The following PDE11A variants were observed in gnomAD, a reference collection of about 807,000 sequenced individuals.
The protein encoded by PDE11A is dual 3',5'-cyclic-AMP and -GMP phosphodiesterase 11A.
Under a neutral mutation model 100.5 loss-of-function variants are expected in PDE11A, and 100 were observed. The ratio of observed to expected loss-of-function variants is 1.00; its 90% CI spans 0.85 to 1.18. The LOEUF (loss-of-function observed/expected upper bound fraction) is 1.18, where lower values mean the gene tolerates loss of function less well. PDE11A is among the 50% of genes most tolerant of loss of function. The pLI is 0.00. For missense variants in PDE11A, 1,141 were observed against 1,152.6 expected (o/e 0.99, Z 0.15); for synonymous variants, 381 against 420.8 (o/e 0.91, Z 1.16).
intron 2 of PDE11A, among the ~76,000 whole-genome samples, chr2:177,931,820 T>A (rs2085209299): frequency 6.8e-6 from 1 of 147,802 alleles, no homozygotes; most frequent in Non-Finnish European, 1.5e-5. Context: ...TGAATAAAAT[T>A]GAGACCCAAA....
intron 14 of PDE11A, among the ~76,000 whole-genome samples, chr2:177,699,693 T>C (rs1253127889): frequency 2.0e-5 from 3 of 152,208 alleles, no homozygotes; most frequent in African/African-American, 7.2e-5. Context: ...CTAACTTCTC[T>C]GCACCAGAGC....
intron 2 of PDE11A, among the ~76,000 whole-genome samples, chr2:177,987,212 C>A (rs2085950927): frequency 6.6e-6 from 1 of 152,094 alleles, no homozygotes; most frequent in African/African-American, 2.4e-5. Flanking sequence ...AATCGAGAGG[C>A]AGAGGACTCT....
At chr2:177,739,689 A>C (rs1446743684) in intron 10 of PDE11A, among the ~76,000 whole-genome samples, 1 of 152,224 alleles carries the variant, frequency 6.6e-6, no homozygotes, top group Non-Finnish European at 1.5e-5. Context: ...CATTCAGTTG[A>C]GTGTCTTCTT....
At chr2:177,840,520 T>C in intron 5 of PDE11A, 137 bp from the exon 6 acceptor site, 1 of 754,376 alleles carries the variant, frequency 1.3e-6, no homozygotes, top group Non-Finnish European at 2.3e-6. Flanking sequence ...CACAGAACAA[T>C]AGCAAGGTAA....
At chr2:177,926,264 G>A (rs2085123413) in intron 2 of PDE11A, among the ~76,000 whole-genome samples, 1 of 152,058 alleles carries the variant, frequency 6.6e-6, no homozygotes, top group Non-Finnish European at 1.5e-5. Flanking sequence ...TTTATCATCT[G>A]TACTTCTACT....
At chr2:177,847,886 T>C (rs1206700209) in intron 5 of PDE11A, among the ~76,000 whole-genome samples, 1 of 152,114 alleles carries the variant, frequency 6.6e-6, no homozygotes, top group East Asian at 1.9e-4. Context: ...GGATGCCCAT[T>C]CACATTAGAC....
At chr2:178,024,917 CTAT>C (rs2086460298) in intron 1 of PDE11A, among the ~76,000 whole-genome samples, 1 of 152,184 alleles carries the variant, frequency 6.6e-6, no homozygotes, top group Non-Finnish European at 1.5e-5. Context: ...GACTTGAAAT[CTAT>C]TATTCTTACT....
intron 9 of PDE11A, among the ~76,000 whole-genome samples, chr2:177,799,370 AT>A (rs1169782894): frequency 6.6e-6 from 1 of 152,220 alleles, no homozygotes; most frequent in African/African-American, 2.4e-5. Flanking sequence ...AATGTACCAT[AT>A]CTTAATAGAG....
At chr2:177,644,648 G>A (rs1353358008) in intron 19 of PDE11A, among the ~76,000 whole-genome samples, 2 of 152,186 alleles carry the variant, frequency 1.3e-5, no homozygotes, top group Admixed American at 1.3e-4. Context: ...GGGAAAACAT[G>A]ATTGGTTTTG....
Position 177,767,833 on chromosome 2 carries a change from A to G in PDE11A, c.1788+1490T>C, listed in dbSNP as rs547029164. On this transcript the variant is annotated intron_variant, in intron 10 of 19. Coordinates refer to ENST00000286063, the MANE Select transcript of PDE11A (RefSeq NM_016953.4). ...TGTTACTATGTCCCAAGGACCAAAA[A>G]AGGCAGGAGAGATACAGCAGTGAAT... 1.0e-3 allele frequency among the ~76,000 whole-genome samples: 154 copies of G among 152,144 alleles called. 1 individual carries two copies. Among genetic ancestry groups the G allele is most frequent in the Non-Finnish European group, 1.6e-3 (110 of 68,022 alleles).
chr2:177,946,086 G>T (rs868019943), intron 2 of PDE11A, among the ~76,000 whole-genome samples: 1 of 111,814 alleles, frequency 8.9e-6, no homozygotes, highest in Non-Finnish European at 1.8e-5. Flanking sequence ...CAGCCGCCCC[G>T]TCCGGGATGG....
chr2:177,631,554 TATATATATATATATAC>T (rs1559117442), intron 19 of PDE11A, among the ~76,000 whole-genome samples: 9 of 23,380 alleles, frequency 3.8e-4, no homozygotes, highest in South Asian at 2.5e-3. Flanking sequence ...TATACACATG[TATATATATATATATAC>T]ATGTATATAT....
chr2:177,825,062 C>T (rs767049965), intron 6 of PDE11A, among the ~76,000 whole-genome samples: 1 of 152,076 alleles, frequency 6.6e-6, no homozygotes, highest in Non-Finnish European at 1.5e-5. Context: ...GTGTCCAATG[C>T]TATAGAGAAG....
At chr2:177,653,701 G>A (rs2080342361) in intron 19 of PDE11A, among the ~76,000 whole-genome samples, 1 of 152,214 alleles carries the variant, frequency 6.6e-6, no homozygotes, top group South Asian at 2.1e-4. Context: ...CAGCAACGAG[G>A]AGAGATGCAT....
Position 177,745,304 on chromosome 2 carries a change from CCA to C in PDE11A, c.1789-17134_1789-17133del, listed in dbSNP as rs562201162. 4.5e-4 allele frequency among the ~76,000 whole-genome samples: 68 copies of C among 152,256 alleles called. No homozygotes were observed. In the South Asian group the frequency reaches 0.013, roughly 29 times the overall value. ...TAAAACACAGTGGCCAGAACTCTTACCAGGGCATATTTGTTCCAAACACATCT... is the reference window on the plus strand; with the variant it reads ...TAAAACACAGTGGCCAGAACTCTTACGGGCATATTTGTTCCAAACACATCT... On this transcript the variant is annotated intron_variant, in intron 10 of 19. Coordinates refer to ENST00000286063, the MANE Select transcript of PDE11A (RefSeq NM_016953.4).
At chr2:177,650,687 T>C (rs1344956516) in intron 19 of PDE11A, among the ~76,000 whole-genome samples, 1 of 152,226 alleles carries the variant, frequency 6.6e-6, no homozygotes, top group African/African-American at 2.4e-5. Context: ...TTTCAAATTT[T>C]ATACATAGAT....
intron 5 of PDE11A, among the ~76,000 whole-genome samples, chr2:177,859,902 A>T (rs1355688480): frequency 6.6e-6 from 1 of 151,988 alleles, no homozygotes; most frequent in Non-Finnish European, 1.5e-5. Context: ...ATTAGAAAAT[A>T]CTTTGAATGA....
chr2:177,697,527 A>T, intron 14 of PDE11A, 95 bp from the exon 15 acceptor site: 1 of 710,458 alleles, frequency 1.4e-6, no homozygotes, highest in Non-Finnish European at 2.6e-6. Flanking sequence ...TGGGAACATT[A>T]AAAAAATCAC....
At chr2:177,725,959 GT>G (rs2081593886) in intron 12 of PDE11A, among the ~76,000 whole-genome samples, 1 of 152,066 alleles carries the variant, frequency 6.6e-6, no homozygotes, top group Non-Finnish European at 1.5e-5. Context: ...AAATCCATAG[GT>G]TTTCCCAAAT....
Sources: gnomAD v4.1 joint callset for allele counts (sites outside exome capture counted in the v4.1 genomes callset) on GRCh38, gnomAD v4.1.1 for gene constraint, MANE v1.5 for transcripts, NCBI Gene and HGNC (gene_info 2026-07-23, HGNC 2026-07-21) for gene names.